The following CNBD1 variants were observed in gnomAD, a reference collection of about 807,000 sequenced individuals.
CNBD1 encodes cyclic nucleotide-binding domain-containing protein 1.
In CNBD1, 71 loss-of-function variants were observed where a neutral mutation model predicts 54.4. That is an observed-to-expected ratio of 1.30 (90% confidence interval 1.08 to 1.59). The LOEUF (loss-of-function observed/expected upper bound fraction) is 1.59. Among genes scored for constraint, CNBD1 ranks in the 40% most tolerant of loss-of-function variants. CNBD1 has a pLI of 0.00. For synonymous variants in CNBD1, 182 were observed against 170.7 expected, an observed-to-expected ratio of 1.07 and a Z score of -0.51; for missense variants, 659 against 518.0, an observed-to-expected ratio of 1.27 and a Z score of -2.64.
At chr8:87,367,664 A>C (rs1810668009) in intron 10 of CNBD1, among the ~76,000 whole-genome samples, 1 of 152,140 alleles carries the variant, frequency 6.6e-6, no homozygotes, top group Non-Finnish European at 1.5e-5. Context: ...GTTTTATCTA[A>C]TCAAATGTTC....
At chr8:87,085,796 C>G (rs897238012) in intron 4 of CNBD1, among the ~76,000 whole-genome samples, 28 of 152,136 alleles carry the variant, frequency 1.8e-4, no homozygotes, top group African/African-American at 6.3e-4. Context: ...GGGCCATTCT[C>G]TGCTACCTGG....
At chr8:87,015,625 G>T (rs914643262) in intron 4 of CNBD1, among the ~76,000 whole-genome samples, 2 of 151,924 alleles carry the variant, frequency 1.3e-5, no homozygotes, top group Admixed American at 6.6e-5. Context: ...TTCACCTTTT[G>T]TTGGCTCCTG....
intron 4 of CNBD1, among the ~76,000 whole-genome samples, chr8:86,940,492 T>A (rs1490768580): frequency 6.6e-6 from 1 of 152,140 alleles, no homozygotes; most frequent in Non-Finnish European, 1.5e-5. Flanking sequence ...TCTAGAATAC[T>A]TTGTGCTCTG....
At chr8:87,376,687 C>T (rs1368136359) in intron 10 of CNBD1, among the ~76,000 whole-genome samples, 1 of 151,906 alleles carries the variant, frequency 6.6e-6, no homozygotes, top group African/African-American at 2.4e-5. Context: ...TGTTTTTCTG[C>T]ATTATTTCAT....
chr8:86,939,877 C>A, intron 4 of CNBD1, 123 bp downstream of exon 4: 1 of 585,550 alleles, frequency 1.7e-6, no homozygotes, highest in South Asian at 2.8e-5. Flanking sequence ...ATGGTTGATT[C>A]AGGAGAGATG....
chr8:87,370,895 A>G (rs1197297004), intron 10 of CNBD1, among the ~76,000 whole-genome samples: 3 of 151,160 alleles, frequency 2.0e-5, no homozygotes, highest in Admixed American at 6.6e-5. Flanking sequence ...ATCTTGAATT[A>G]ATTTTTGTAT....
intron 4 of CNBD1, among the ~76,000 whole-genome samples, chr8:87,033,094 G>A (rs950248749): frequency 2.6e-5 from 4 of 152,142 alleles, no homozygotes; most frequent in Non-Finnish European, 5.9e-5. Context: ...ATTGTTTCAG[G>A]CTTGATGACC....
chr8:86,985,508 A>C (rs1324841712), intron 4 of CNBD1, among the ~76,000 whole-genome samples: 1 of 152,174 alleles, frequency 6.6e-6, no homozygotes, highest in Non-Finnish European at 1.5e-5. Flanking sequence ...TTCTTGCATC[A>C]ATTCACTTAG....
At chr8:86,952,552 A>G (rs978324651) in intron 4 of CNBD1, among the ~76,000 whole-genome samples, 6 of 152,044 alleles carry the variant, frequency 3.9e-5, no homozygotes, top group Non-Finnish European at 7.4e-5. Flanking sequence ...AATTTAACAA[A>G]TATCAAATGA....
At chr8:87,123,339 A>G (rs200262840) in intron 4 of CNBD1, among the ~76,000 whole-genome samples, 2 of 151,890 alleles carry the variant, frequency 1.3e-5, no homozygotes, top group East Asian at 1.9e-4. Flanking sequence ...ATGGTATGAA[A>G]CTAGAAATCA....
chr8:86,961,097 A>G (rs535031441), intron 4 of CNBD1, among the ~76,000 whole-genome samples: 6 of 152,326 alleles, frequency 3.9e-5, no homozygotes, highest in African/African-American at 1.4e-4. Context: ...GCCTGTTTAT[A>G]TATAGCAATA....
At chr8:87,151,681 T>C (rs1222774009) in intron 4 of CNBD1, among the ~76,000 whole-genome samples, 3 of 152,204 alleles carry the variant, frequency 2.0e-5, no homozygotes, top group South Asian at 2.1e-4. Context: ...CTTCTATTTC[T>C]ATGCTATACA....
intron 6 of CNBD1, among the ~76,000 whole-genome samples, chr8:87,250,410 A>G (rs1282066682): frequency 2.0e-5 from 3 of 152,194 alleles, no homozygotes; most frequent in Non-Finnish European, 2.9e-5. Flanking sequence ...GGAGAACAGT[A>G]TGGGAGTTCC....
chr8:87,278,130 A>G (rs550790882), intron 6 of CNBD1, among the ~76,000 whole-genome samples: 3 of 151,766 alleles, frequency 2.0e-5, no homozygotes, highest in Non-Finnish European at 4.4e-5. Flanking sequence ...AGAACATGTC[A>G]TAAGTAAATA....
intron 5 of CNBD1, among the ~76,000 whole-genome samples, chr8:87,234,641 G>A (rs1807534857): frequency 6.6e-6 from 1 of 152,118 alleles, no homozygotes; most frequent in African/African-American, 2.4e-5. Flanking sequence ...TCTAGGCTTG[G>A]TTGTTCCATT....
chr8:87,228,733 G>C (rs553157976), intron 5 of CNBD1, among the ~76,000 whole-genome samples: 1 of 151,952 alleles, frequency 6.6e-6, no homozygotes, highest in East Asian at 1.9e-4. Context: ...AGCCTACAGA[G>C]GCAGGCAGGC....
chr8:86,967,182 G>A (rs1302603066), intron 4 of CNBD1, among the ~76,000 whole-genome samples: 2 of 152,156 alleles, frequency 1.3e-5, no homozygotes, highest in Non-Finnish European at 2.9e-5. Context: ...GTGCGTGTGG[G>A]GGGTCCTTCC....
intron 4 of CNBD1, among the ~76,000 whole-genome samples, chr8:87,184,051 C>T (rs1472000112): frequency 6.6e-6 from 1 of 152,108 alleles, no homozygotes; most frequent in South Asian, 2.1e-4. Context: ...ACTGGGGTGG[C>T]GGGGGCCACA....
Position 87,166,865 on chromosome 8 carries a change from A to G in CNBD1, c.432-39128A>G, listed in dbSNP as rs1029756310. 2.5e-4 allele frequency among the ~76,000 whole-genome samples: 38 copies of G among 151,858 alleles called. No homozygotes were observed. The highest frequency in any genetic ancestry group is 2.1e-4 in the South Asian group (1 of 4,822). Reference sequence around the variant, plus strand: ...ACTCATAATTGTTCTATTTTCCAGTATAGTATGTAACTATATATTTAATTT... The same window carrying G: ...ACTCATAATTGTTCTATTTTCCAGTGTAGTATGTAACTATATATTTAATTT... On this transcript the variant is annotated intron_variant, in intron 4 of 10. Transcript: ENST00000518476. This position sits in a 1 kb window ranked among gnomAD's most constrained non-coding sequence, Gnocchi z 4.3.
Sources: allele counts gnomAD v4.1 joint callset (sites outside exome capture counted in the v4.1 genomes callset), GRCh38; gene constraint gnomAD v4.1.1; non-coding constraint Gnocchi (gnomAD v3.1); transcripts MANE v1.5; gene names NCBI Gene and HGNC (gene_info 2026-07-23, HGNC 2026-07-21).